AGPS: variants seen among roughly 807,000 people sequenced by gnomAD.
AGPS encodes alkyldihydroxyacetonephosphate synthase, peroxisomal.
AGPS carries 26 observed loss-of-function variants against 90.7 expected under a neutral mutation model. The observed-to-expected ratio is 0.29, with a 90% CI of 0.21 to 0.40. The LOEUF is 0.40. Ranked by LOEUF, AGPS falls within the 10% of genes least tolerant of loss-of-function variation. AGPS has a pLI of 1.00. For missense variants in AGPS, 540 were observed against 816.1 expected, an observed-to-expected ratio of 0.66 and a Z score of 4.12; for synonymous variants, 294 against 285.3, an observed-to-expected ratio of 1.03 and a Z score of -0.31.
chr2:177,511,207 C>G (rs1488693213), intron 16 of AGPS, among the ~76,000 whole-genome samples: 1 of 152,082 alleles, frequency 6.6e-6, no homozygotes, highest in African/African-American at 2.4e-5. Context: ...TCAAATGATT[C>G]TCCCATCTTG....
intron 2 of AGPS, among the ~76,000 whole-genome samples, chr2:177,426,049 G>A (rs1234540634): frequency 1.3e-5 from 2 of 152,054 alleles, no homozygotes; most frequent in Non-Finnish European, 2.9e-5. Flanking sequence ...CCATTTCTTT[G>A]TGTCTTCTCT....
chr2:177,411,941 A>T (rs943295983), intron 1 of AGPS, among the ~76,000 whole-genome samples: 3 of 152,122 alleles, frequency 2.0e-5, no homozygotes, highest in Non-Finnish European at 4.4e-5. Flanking sequence ...ATGGGAGAGC[A>T]GTCCTCCTAG....
At chr2:177,523,340 T>C (rs1689253299) in intron 18 of AGPS, among the ~76,000 whole-genome samples, 1 of 152,198 alleles carries the variant, frequency 6.6e-6, no homozygotes, top group Admixed American at 6.5e-5. Context: ...GGCAAATTAC[T>C]TGGAACTTTT....
intron 8 of AGPS, among the ~76,000 whole-genome samples, chr2:177,453,369 T>C (rs1448291527): frequency 1.3e-5 from 2 of 151,762 alleles, no homozygotes; most frequent in Non-Finnish European, 2.9e-5. Flanking sequence ...TCTCCCAGGT[T>C]CAAGCGATTC....
intron 11 of AGPS, among the ~76,000 whole-genome samples, chr2:177,488,057 A>C (rs1688146263): frequency 6.6e-6 from 1 of 152,164 alleles, no homozygotes. Flanking sequence ...CTCTAAGATG[A>C]CCAACCAGTA....
In AGPS at chr2:177,542,178, G is replaced by T. The variant is rs2079242751; in HGVS notation, c.*3983G>T. Reference sequence around the variant, plus strand: ...ATTTATTTTTATAATTTTGTTGCTTGTAGCATAATCAAGTGCAAAATCAAG... The same window carrying T: ...ATTTATTTTTATAATTTTGTTGCTTTTAGCATAATCAAGTGCAAAATCAAG... On this transcript the variant is annotated 3_prime_UTR_variant, in exon 20 of 20. Transcript: ENST00000264167. The T allele has an allele frequency of 6.6e-6, 1 of 151,970 alleles. No individual in the cohort carries two copies. The highest frequency in any genetic ancestry group is 2.4e-5 in the African/African-American group (1 of 41,364). The allele number at this position is 151,970 out of a possible 1,614,324, so 9.4% of individuals were successfully genotyped here.
chr2:177,414,897 C>CGT (rs397986794), intron 1 of AGPS, among the ~76,000 whole-genome samples: 1,532 of 146,298 alleles, frequency 0.01, 25 homozygotes, highest in African/African-American at 0.033. Flanking sequence ...TATGAAGGTT[C>CGT]GTGTGTGTGT....
intron 8 of AGPS, among the ~76,000 whole-genome samples, chr2:177,450,467 G>A (rs1011004168): frequency 6.6e-6 from 1 of 152,046 alleles, no homozygotes; most frequent in African/African-American, 2.4e-5. Context: ...GTTATTATTT[G>A]TATATGGTAT....
chr2:177,452,536 A>G (rs963514830), intron 8 of AGPS, among the ~76,000 whole-genome samples: 3 of 151,994 alleles, frequency 2.0e-5, no homozygotes, highest in Non-Finnish European at 2.9e-5. Context: ...TTTTTCCATT[A>G]TTTTACTCTT....
Position 177,395,787 on chromosome 2 carries a change from A to T in AGPS, c.260+2738A>T, listed in dbSNP as rs150568376. 1.4e-3 allele frequency among the ~76,000 whole-genome samples: 212 copies of T among 152,272 alleles called. 1 individual carries two copies. Among genetic ancestry groups the T allele is most frequent in the African/African-American group, 4.9e-3 (202 of 41,552 alleles). ...ACATTGCTTGTAATTGTTTTATCAC[A>T]TGGTTGTTTTATCACATGGTTGGTT... is the stretch of plus-strand genomic sequence containing the variant. On this transcript the variant is annotated intron_variant, in intron 1 of 19. Transcript: ENST00000264167.
intron 19 of AGPS, 97 bp from the exon 20 acceptor site, chr2:177,537,977 C>T: frequency 6.8e-7 from 1 of 1,475,722 alleles, no homozygotes; most frequent in South Asian, 1.1e-5. Context: ...TGAATAAAAG[C>T]ATTTATCACA....
intron 19 of AGPS, among the ~76,000 whole-genome samples, chr2:177,534,241 A>G (rs2079163998): frequency 6.6e-6 from 1 of 152,148 alleles, no homozygotes; most frequent in South Asian, 2.1e-4. Flanking sequence ...TTTTCCATGT[A>G]CATCATTTTA....
At chr2:177,481,962 G>A (rs963790488) in intron 10 of AGPS, 97 bp from the exon 11 acceptor site, 31 of 1,177,250 alleles carry the variant, frequency 2.6e-5, no homozygotes, top group Non-Finnish European at 3.1e-5. Context: ...AAATTTAAAT[G>A]TGCATAATAA....
At chr2:177,530,975 C>T (rs2079131966) in intron 19 of AGPS, among the ~76,000 whole-genome samples, 1 of 152,056 alleles carries the variant, frequency 6.6e-6, no homozygotes, top group African/African-American at 2.4e-5. Context: ...AGTTAAAAAC[C>T]TTGATTAAGT....
chr2:177,469,880 C>CTAGA (rs1687561438), intron 10 of AGPS, among the ~76,000 whole-genome samples: 1 of 151,904 alleles, frequency 6.6e-6, no homozygotes, highest in Non-Finnish European at 1.5e-5. Flanking sequence ...ATTCTAGTTG[C>CTAGA]TAGATATTAT....
chr2:177,466,435 G>T, intron 9 of AGPS, among the ~76,000 whole-genome samples: 1 of 152,338 alleles, frequency 6.6e-6, no homozygotes, highest in Non-Finnish European at 1.5e-5. Context: ...GCCCCCAGGC[G>T]TCAGGCCCTC....
chr2:177,392,983 C>T lies in AGPS; in HGVS notation c.194C>T (p.Ser65Leu). Residue 65 changes from serine (S) to leucine (L), a missense_variant, in exon 1 of 20, where the codon TCG becomes TTG. Around this residue, in one of 2 missense-constraint regions of AGPS, gnomAD observed 135 missense variants for 124.0 expected, o/e 1.09. Coordinates refer to ENST00000264167, the MANE Select transcript of AGPS (RefSeq NM_003659.4). The part of the protein sequence containing the change: ...TNECKARRAA[S>L]AATAAPTATP... ...GAGTGCAAAGCGCGGAGAGCCGCGT[C>T]GGCGGCCACGGCAGCGCCCACGGCC... is the stretch of plus-strand genomic sequence containing the variant. 1 of 1,550,004 alleles carries T rather than the reference C, an allele frequency of 6.5e-7. No homozygotes were observed. Among genetic ancestry groups the T allele is most frequent in the Non-Finnish European group, 8.7e-7 (1 of 1,146,604 alleles).
At chr2:177,468,322 A>G (rs1235714881) in intron 9 of AGPS, 94 bp from the exon 10 acceptor site, 1 of 686,250 alleles carries the variant, frequency 1.5e-6, no homozygotes, top group African/African-American at 1.8e-5. Context: ...ATACTTTAAA[A>G]GTAGGTTTTA....
chr2:177,437,737 T>G (rs1686457246), intron 5 of AGPS, among the ~76,000 whole-genome samples: 1 of 152,214 alleles, frequency 6.6e-6, no homozygotes, highest in Non-Finnish European at 1.5e-5. Context: ...TCTCTTCAGA[T>G]CTTCCTTTTC....
Sources: gnomAD v4.1 joint callset for allele counts (sites outside exome capture counted in the v4.1 genomes callset) on GRCh38, gnomAD v4.1.1 for gene constraint, gnomAD v4.1.1 regional missense constraint, MANE v1.5 for transcripts, NCBI Gene and HGNC (gene_info 2026-07-23, HGNC 2026-07-21) for gene names.